The following RASSF3 variants were observed in gnomAD, a reference collection of about 807,000 sequenced individuals.
RASSF3 encodes ras association domain-containing protein 3.
Under a neutral mutation model 19.9 loss-of-function variants are expected in RASSF3, and 19 were observed. The ratio of observed to expected loss-of-function variants is 0.96; its 90% confidence interval spans 0.67 to 1.40. The LOEUF (loss-of-function observed/expected upper bound fraction) is 1.40, where lower values mean the gene tolerates loss of function less well. Among genes scored for constraint, RASSF3 ranks in the 40% most tolerant of loss-of-function variants. RASSF3 has a pLI of 0.00. For missense variants in RASSF3, 306 were observed against 289.8 expected (o/e 1.06, Z -0.41); for synonymous variants, 110 against 104.2 (o/e 1.06, Z -0.34).
intron 1 of RASSF3, among the ~76,000 whole-genome samples, chr12:64,649,598 A>G (rs899508991): frequency 1.3e-5 from 2 of 152,252 alleles, no homozygotes; most frequent in African/African-American, 4.8e-5. Context: ...CGGTTAGGAC[A>G]TAGTCATATC....
At chr12:64,619,190 C>T (rs537772110) in intron 1 of RASSF3, among the ~76,000 whole-genome samples, 1 of 151,998 alleles carries the variant, frequency 6.6e-6, no homozygotes, top group East Asian at 1.9e-4. Flanking sequence ...TGTGGGGGTA[C>T]CAGCCTGGTG....
Position 64,684,792 on chromosome 12 carries a change from T to G in RASSF3, c.117T>G (p.Val39=). Residue 39 remains valine, a synonymous_variant, in exon 2 of 5, where the codon GTT becomes GTG. Coordinates refer to ENST00000542104, the MANE Select transcript of RASSF3 (RefSeq NM_178169.4). ...QGKPRSGQQD[V]EKEKETHSYL... is the part of the protein sequence containing the mutation. Reference sequence around the variant, plus strand: ...ATGTCTTGTTTTTCTTCTAGGATGTTGAGAAAGAGAAGGAAACCCACAGTT... The same window carrying G: ...ATGTCTTGTTTTTCTTCTAGGATGTGGAGAAAGAGAAGGAAACCCACAGTT... The G allele has an allele frequency of 6.2e-7, 1 of 1,606,586 alleles. No homozygotes were observed. Among genetic ancestry groups the G allele is most frequent in the Non-Finnish European group, 8.5e-7 (1 of 1,173,360 alleles).
intron 2 of RASSF3, among the ~76,000 whole-genome samples, chr12:64,557,612 A>G (rs1038272413): frequency 6.6e-6 from 1 of 151,968 alleles, no homozygotes; most frequent in African/African-American, 2.4e-5. Flanking sequence ...ACTGGGAGTG[A>G]TGGTAGGTAA....
chr12:64,693,414 AT>A (rs71434058), intron 4 of RASSF3, among the ~76,000 whole-genome samples: 33,481 of 145,546 alleles, frequency 0.23, 3,744 homozygotes, highest in African/African-American at 0.27. Flanking sequence ...ATCTGTTTTA[AT>A]TTTTTTTTTT....
rs76388144 is a variant in RASSF3 at position 64,695,123 on chromosome 12, C to A, written c.*211C>A. The A allele has an allele frequency of 1.3e-3, 655 of 506,510 alleles. 3 individuals carry two copies. Among genetic ancestry groups the A allele is most frequent in the African/African-American group, 0.01 (547 of 52,986 alleles). The allele number at this position is 506,510 out of a possible 1,614,324, so 31.4% of individuals were successfully genotyped here. A position where few individuals can be genotyped will look rare whatever the true frequency, so the allele number is the denominator to read the frequency against. ...TCTGCAAGCTTGTTGTTCAGCACCG[C>A]AGTGTTACCTCTTGGCAAGCTGTGA... is the stretch of plus-strand genomic sequence containing the variant. On this transcript the variant is annotated 3_prime_UTR_variant, in exon 5 of 5. Coordinates refer to ENST00000542104, the MANE Select transcript of RASSF3 (RefSeq NM_178169.4).
chr12:64,622,281 C>G (rs1330405730), intron 1 of RASSF3, among the ~76,000 whole-genome samples: 6 of 147,478 alleles, frequency 4.1e-5, no homozygotes, highest in African/African-American at 1.5e-4. Flanking sequence ...AGGCTGGTGT[C>G]AAACTCCTGA....
chr12:64,634,967 C>CTTTTTTTTT (rs139897110), intron 1 of RASSF3, among the ~76,000 whole-genome samples: 1 of 128,122 alleles, frequency 7.8e-6, no homozygotes, highest in Non-Finnish European at 1.7e-5. Context: ...CTTTTCTTTT[C>CTTTTTTTTT]TTTTTTTTTT....
intron 2 of RASSF3, among the ~76,000 whole-genome samples, chr12:64,601,036 C>T (rs1336055064): frequency 2.0e-5 from 3 of 152,140 alleles, no homozygotes; most frequent in Admixed American, 6.6e-5. Flanking sequence ...GTCTGTACTC[C>T]GAACACTTTG....
intron 1 of RASSF3, among the ~76,000 whole-genome samples, chr12:64,524,230 A>G (rs939183182): frequency 4.9e-4 from 65 of 131,410 alleles, no homozygotes; most frequent in African/African-American, 1.9e-3. Flanking sequence ...TTATTTATTT[A>G]TTTATTTATT....
intron 1 of RASSF3, among the ~76,000 whole-genome samples, chr12:64,537,326 C>T (rs1868849755): frequency 6.6e-6 from 1 of 152,130 alleles, no homozygotes; most frequent in African/African-American, 2.4e-5. Context: ...CCCGTGAGGC[C>T]CCTGCTATCC....
intron 2 of RASSF3, among the ~76,000 whole-genome samples, chr12:64,587,522 G>T (rs1038971828): frequency 6.6e-6 from 1 of 152,156 alleles, no homozygotes; most frequent in Non-Finnish European, 1.5e-5. Flanking sequence ...TTTCCAAGTG[G>T]AATGTAAAAT....
rs1450932191 is a variant in RASSF3 at position 64,679,659 on chromosome 12, C to T, written c.112-5128C>T. Reference sequence around the variant, plus strand: ...CGCTACTGAAAAACAGTGACGTAACCCCACCCAGGAACTGAAGTGAGCCTG... The same window carrying T: ...CGCTACTGAAAAACAGTGACGTAACTCCACCCAGGAACTGAAGTGAGCCTG... On this transcript the variant is annotated intron_variant, in intron 1 of 4. Transcript: ENST00000542104. 3.3e-5 allele frequency among the ~76,000 whole-genome samples: 5 copies of T among 152,030 alleles called. No individual in the cohort carries two copies. The East Asian group carries it at 9.6e-4, about 29-fold the overall frequency.
chr12:64,625,675 T>C (rs749743774), intron 1 of RASSF3, among the ~76,000 whole-genome samples: 15 of 152,214 alleles, frequency 9.9e-5, no homozygotes, highest in Non-Finnish European at 1.8e-4. Context: ...GCAAACTGTA[T>C]AACGTGCTGC....
chr12:64,520,238 A>G (rs1868439295), intron 1 of RASSF3, among the ~76,000 whole-genome samples: 1 of 146,018 alleles, frequency 6.8e-6, no homozygotes, highest in Non-Finnish European at 1.5e-5. Flanking sequence ...GTGCAATCTC[A>G]GCTCACTCCA....
At chr12:64,548,991 T>C (rs1313743578) in intron 2 of RASSF3, among the ~76,000 whole-genome samples, 1 of 151,780 alleles carries the variant, frequency 6.6e-6, no homozygotes. Flanking sequence ...GCCCTGAGAG[T>C]GGATCCTTTC....
At chr12:64,600,993 TTAAAC>T (rs1323770615) in intron 2 of RASSF3, among the ~76,000 whole-genome samples, 15 of 152,274 alleles carry the variant, frequency 9.9e-5, no homozygotes, top group Non-Finnish European at 1.5e-4. Flanking sequence ...TAGGCCTTAT[TTAAAC>T]TATTTTAGGC....
chr12:64,590,740 G>A (rs1869907287), intron 2 of RASSF3, among the ~76,000 whole-genome samples: 1 of 152,074 alleles, frequency 6.6e-6, no homozygotes, highest in South Asian at 2.1e-4. Context: ...TAGCCAGTTG[G>A]CTGATAGGAA....
intron 1 of RASSF3, among the ~76,000 whole-genome samples, chr12:64,657,705 G>A (rs1489574895): frequency 3.3e-5 from 5 of 152,254 alleles, no homozygotes; most frequent in African/African-American, 1.2e-4. Context: ...CCTTGGCACA[G>A]GAGCAGGATA....
chr12:64,591,829 TGCTTCCA>T (rs1869928765), intron 2 of RASSF3, among the ~76,000 whole-genome samples: 1 of 152,152 alleles, frequency 6.6e-6, no homozygotes, highest in Non-Finnish European at 1.5e-5. Flanking sequence ...ACATCAGTTG[TGCTTCCA>T]TTATGTGTTC....
Sources: gnomAD v4.1 joint callset for allele counts (sites outside exome capture counted in the v4.1 genomes callset) on GRCh38, gnomAD v4.1.1 for gene constraint, MANE v1.5 for transcripts, NCBI Gene and HGNC (gene_info 2026-07-23, HGNC 2026-07-21) for gene names.